Variants in LRMDA observed in about 807,000 individuals in gnomAD.
LRMDA encodes leucine-rich melanocyte differentiation-associated protein.
Under a neutral mutation model 29.8 loss-of-function variants are expected in LRMDA, and 18 were observed. The ratio of observed to expected loss-of-function variants is 0.60; its 90% CI spans 0.42 to 0.90. LRMDA has a LOEUF of 0.90. Among genes scored for constraint, LRMDA ranks in the 40% least tolerant of loss-of-function variants. The pLI, the probability that LRMDA is intolerant of heterozygous loss-of-function variation, is 0.00. For missense variants in LRMDA, 273 were observed against 273.9 expected (o/e 1.00, Z 0.02); for synonymous variants, 125 against 109.4 (o/e 1.14, Z -0.89).
In LRMDA at chr10:76,489,964, C is replaced by A. The variant is rs912222945; in HGVS notation, c.602-67245C>A. 3.3e-5 allele frequency among the ~76,000 whole-genome samples: 5 copies of A among 151,956 alleles called. No homozygotes were observed. In the East Asian group the frequency reaches 9.7e-4, roughly 30 times the overall value. ...CATGCAGATCTGTGAGTCAGTTAAA[C>A]CTCTTTCCTTTATAAATTACCCAGT... On this transcript the variant is annotated intron_variant, in intron 6 of 6. Coordinates refer to ENST00000611255, the MANE Select transcript of LRMDA (RefSeq NM_001305581.2).
intron 2 of LRMDA, among the ~76,000 whole-genome samples, chr10:75,827,740 GT>G (rs1184484773): frequency 4.6e-5 from 7 of 152,182 alleles, no homozygotes; most frequent in Non-Finnish European, 4.4e-5. Context: ...CAGAATGTAC[GT>G]TATCCATCTT....
chr10:75,565,227 A>G (rs1840354889), intron 2 of LRMDA, among the ~76,000 whole-genome samples: 1 of 152,156 alleles, frequency 6.6e-6, no homozygotes, highest in African/African-American at 2.4e-5. Context: ...GTTTGGGGGA[A>G]TGGTTTTGTT....
At chr10:75,569,356 T>C (rs1202676988) in intron 2 of LRMDA, among the ~76,000 whole-genome samples, 2 of 152,216 alleles carry the variant, frequency 1.3e-5, no homozygotes, top group African/African-American at 4.8e-5. Flanking sequence ...TAAAAAAGCA[T>C]GTAAAATTCT....
chr10:75,588,474 C>T (rs1840682514), intron 2 of LRMDA, among the ~76,000 whole-genome samples: 1 of 152,126 alleles, frequency 6.6e-6, no homozygotes, highest in Non-Finnish European at 1.5e-5. Context: ...ACTTCCCCAC[C>T]CCTGCTGTAT....
In LRMDA at chr10:75,607,953, C is replaced by T. The variant is rs1301864081; in HGVS notation, c.131+169459C>T. 5.4e-5 allele frequency among the ~76,000 whole-genome samples: 8 copies of T among 148,166 alleles called. No homozygotes were observed. The East Asian group carries it at 1.4e-3, about 26-fold the overall frequency. ...GTGGTTAAAAATCCATTGTCCATAT[C>T]CTAGCTATTGTGAATAATGCTGCCA... On this transcript the variant is annotated intron_variant, in intron 2 of 6. Transcript: ENST00000611255.
rs1842905903 is a variant in LRMDA, at chr10:76,501,216, A to G, written c.602-55993A>G. On this transcript the variant is annotated intron_variant, in intron 6 of 6. Transcript: ENST00000611255. ...CTGCAAATGACATTTCATTATTTGT[A>G]TAGCTGTGCAGCATTCTAAGGTGAA... Among the ~76,000 whole-genome samples the G allele has an allele frequency of 9.4e-5, 2 of 21,370 alleles. 1 individual carries two copies. Among genetic ancestry groups the G allele is most frequent in the African/African-American group, 1.6e-4 (2 of 12,820 alleles). 14.0% of individuals were successfully genotyped at this position (21,370 alleles called of 152,430 possible).
chr10:75,801,763 G>T (rs932350497), intron 2 of LRMDA, among the ~76,000 whole-genome samples: 1 of 152,152 alleles, frequency 6.6e-6, no homozygotes, highest in Non-Finnish European at 1.5e-5. Flanking sequence ...AGGAGCTGTC[G>T]AATGGCTTCC....
At chr10:75,600,805 G>T (rs1840874938) in intron 2 of LRMDA, among the ~76,000 whole-genome samples, 1 of 152,234 alleles carries the variant, frequency 6.6e-6, no homozygotes, top group Non-Finnish European at 1.5e-5. Flanking sequence ...ACCTTTTGAA[G>T]AAATGTTGAA....
chr10:75,922,336 C>G (rs1846041063), intron 2 of LRMDA, among the ~76,000 whole-genome samples: 1 of 152,148 alleles, frequency 6.6e-6, no homozygotes, highest in African/African-American at 2.4e-5. Context: ...GTTTGCCTTC[C>G]TTGACATATC....
At chr10:76,164,623 A>T (rs1363422772) in intron 5 of LRMDA, among the ~76,000 whole-genome samples, 3 of 152,214 alleles carry the variant, frequency 2.0e-5, no homozygotes, top group Non-Finnish European at 4.4e-5. Flanking sequence ...GGCCCTTTAC[A>T]GGAAAAGTTT....
intron 2 of LRMDA, among the ~76,000 whole-genome samples, chr10:75,668,698 A>C (rs1841854751): frequency 6.6e-6 from 1 of 152,178 alleles, no homozygotes; most frequent in Non-Finnish European, 1.5e-5. Context: ...ACTTCACTTA[A>C]ATTTAAATAT....
At chr10:75,703,822 G>A (rs1314638815) in intron 2 of LRMDA, among the ~76,000 whole-genome samples, 2 of 152,142 alleles carry the variant, frequency 1.3e-5, no homozygotes, top group African/African-American at 4.8e-5. Flanking sequence ...ATTTAGGATC[G>A]GCATGTGGAA....
chr10:76,459,472 CCT>C (rs1842490659), intron 6 of LRMDA, among the ~76,000 whole-genome samples: 1 of 152,124 alleles, frequency 6.6e-6, no homozygotes. Flanking sequence ...AGGATTTTGC[CCT>C]CTGTTTTGTA....
At chr10:76,406,486 G>T (rs539022720) in intron 6 of LRMDA, among the ~76,000 whole-genome samples, 1 of 152,192 alleles carries the variant, frequency 6.6e-6, no homozygotes, top group African/African-American at 2.4e-5. Flanking sequence ...GGAGATACCC[G>T]TTGAGCCTCT....
chr10:75,491,801 C>T (rs746063492), intron 2 of LRMDA, among the ~76,000 whole-genome samples: 1 of 152,128 alleles, frequency 6.6e-6, no homozygotes, highest in Non-Finnish European at 1.5e-5. Context: ...CCCTTTGTTC[C>T]TTGGAATATG....
chr10:76,014,142 AT>A (rs372112988), intron 2 of LRMDA, among the ~76,000 whole-genome samples: 20,099 of 126,052 alleles, frequency 0.16, 1,788 homozygotes, highest in South Asian at 0.21. Flanking sequence ...ATATATATAT[AT>A]AATTATATAT....
chr10:76,326,785 A>C (rs562968804), intron 6 of LRMDA, among the ~76,000 whole-genome samples: 14 of 152,332 alleles, frequency 9.2e-5, no homozygotes, highest in Admixed American at 3.3e-4. Flanking sequence ...TGTAGATTCA[A>C]ATGCAAAGGA....
chr10:76,208,604 CG>C (rs1470758253), intron 5 of LRMDA, among the ~76,000 whole-genome samples: 1 of 152,182 alleles, frequency 6.6e-6, no homozygotes, highest in Non-Finnish European at 1.5e-5. Flanking sequence ...AGACTCAATG[CG>C]GGGAAACCAG....
chr10:75,509,948 C>T (rs1431880532), intron 2 of LRMDA, among the ~76,000 whole-genome samples: 1 of 152,164 alleles, frequency 6.6e-6, no homozygotes, highest in Non-Finnish European at 1.5e-5. Context: ...ATCTGCCCAC[C>T]CAGTCTATTT....
Sources: allele counts gnomAD v4.1 joint callset (sites outside exome capture counted in the v4.1 genomes callset), GRCh38; gene constraint gnomAD v4.1.1; transcripts MANE v1.5; gene names NCBI Gene and HGNC (gene_info 2026-07-23, HGNC 2026-07-21).